SLC25A21: variants seen among roughly 807,000 people sequenced by gnomAD.
The protein encoded by SLC25A21 is mitochondrial 2-oxodicarboxylate carrier.
In SLC25A21, 47 loss-of-function variants were observed where a neutral mutation model predicts 43.8. That is an observed-to-expected ratio of 1.07 (90% CI 0.85 to 1.37). SLC25A21 has a LOEUF of 1.37. Ranked by LOEUF, SLC25A21 falls within the 40% of genes most tolerant of loss-of-function variation. SLC25A21 has a pLI of 0.00. For synonymous variants in SLC25A21, 131 were observed against 121.3 expected (o/e 1.08, Z -0.52); for missense variants, 352 against 350.2 (o/e 1.00, Z -0.04).
At chr14:36,728,649 T>C (rs1884694185) in intron 5 of SLC25A21, among the ~76,000 whole-genome samples, 1 of 152,196 alleles carries the variant, frequency 6.6e-6, no homozygotes, top group African/African-American at 2.4e-5. Context: ...AAGGGGCATG[T>C]ATGATTTTTT....
At chr14:37,038,777 G>A (rs1467488) in intron 1 of SLC25A21, among the ~76,000 whole-genome samples, 71,347 of 151,934 alleles carry the variant, frequency 0.47, 19,160 homozygotes, top group African/African-American at 0.75. Flanking sequence ...AGGGACTAGC[G>A]AGTATCTTCC....
At chr14:37,147,649 T>TTA (rs1555349959) in intron 1 of SLC25A21, among the ~76,000 whole-genome samples, 38,628 of 146,618 alleles carry the variant, frequency 0.26, 5,273 homozygotes, top group African/African-American at 0.31. Flanking sequence ...TTTTTTTTTT[T>TTA]AAAAAAAAGG....
chr14:36,836,621 T>G (rs1465353842), intron 2 of SLC25A21, among the ~76,000 whole-genome samples: 3 of 152,126 alleles, frequency 2.0e-5, no homozygotes, highest in Non-Finnish European at 4.4e-5. Flanking sequence ...AGGCACTCCA[T>G]GAGCCCACGG....
At chr14:36,750,389 C>T (rs1190804440) in intron 3 of SLC25A21, among the ~76,000 whole-genome samples, 2 of 152,166 alleles carry the variant, frequency 1.3e-5, no homozygotes, top group East Asian at 1.9e-4. Context: ...ACCCAATCCA[C>T]GTCATCCCTT....
At chr14:37,127,093 G>A (rs1963310331) in intron 1 of SLC25A21, among the ~76,000 whole-genome samples, 1 of 152,162 alleles carries the variant, frequency 6.6e-6, no homozygotes, top group Admixed American at 6.5e-5. Context: ...GGAAAAAGAA[G>A]AAAGTGATAG....
intron 1 of SLC25A21, among the ~76,000 whole-genome samples, chr14:37,146,033 G>A (rs1349938788): frequency 1.3e-5 from 2 of 152,106 alleles, no homozygotes; most frequent in Non-Finnish European, 2.9e-5. Flanking sequence ...CACCACCAAT[G>A]ACACTGGGCA....
At chr14:36,913,211 C>T (rs1271621541) in intron 1 of SLC25A21, among the ~76,000 whole-genome samples, 2 of 152,178 alleles carry the variant, frequency 1.3e-5, no homozygotes, top group East Asian at 1.9e-4. Flanking sequence ...CTATATATTA[C>T]TTAGATAATT....
At chr14:37,122,956 G>A (rs1408362681) in intron 1 of SLC25A21, among the ~76,000 whole-genome samples, 4 of 152,114 alleles carry the variant, frequency 2.6e-5, no homozygotes, top group Admixed American at 1.3e-4. Flanking sequence ...TATATCTTAG[G>A]CATCTAAAAT....
rs182748289 is a variant in SLC25A21 at position 36,764,937 on chromosome 14, C to T, written c.204-30364G>A. 2.0e-5 allele frequency among the ~76,000 whole-genome samples: 3 copies of T among 152,332 alleles called. No homozygotes were observed. In the East Asian group the frequency reaches 5.8e-4, roughly 29 times the overall value. On this transcript the variant is annotated intron_variant, in intron 3 of 9. Coordinates refer to ENST00000331299, the MANE Select transcript of SLC25A21 (RefSeq NM_030631.4). ...CATGGTGAGCCACAAGATTACGGGC[C>T]ATCTTGCTTTTAAGAACAGATAAGC...
chr14:36,703,578 T>C (rs564759603), intron 7 of SLC25A21, among the ~76,000 whole-genome samples: 1 of 152,348 alleles, frequency 6.6e-6, no homozygotes, highest in South Asian at 2.1e-4. Flanking sequence ...GTCTATTGTT[T>C]TCTGCAAAAT....
chr14:36,811,635 G>C (rs1888271860), intron 3 of SLC25A21, among the ~76,000 whole-genome samples: 1 of 152,114 alleles, frequency 6.6e-6, no homozygotes. Flanking sequence ...CTGCGTAACA[G>C]AGTGAGAGTC....
chr14:36,921,234 A>C (rs1891972509), intron 1 of SLC25A21, among the ~76,000 whole-genome samples: 1 of 152,150 alleles, frequency 6.6e-6, no homozygotes, highest in Non-Finnish European at 1.5e-5. Context: ...GAACTTCAGC[A>C]AGTCATATTC....
Position 37,172,522 on chromosome 14 carries a change from G to A in SLC25A21, c.-172C>T. The A allele has an allele frequency of 1.3e-6, 1 of 763,080 alleles. No homozygotes were observed. Among genetic ancestry groups the A allele is most frequent in the South Asian group, 1.5e-5 (1 of 67,906 alleles). 47.3% of individuals were successfully genotyped at this position (763,080 alleles called of 1,614,324 possible). ...AAGCGAGGGTTCGAGGCGCAGATTC[G>A]TCGCGCGATCTCCGGCGCGTCGGAA... On this transcript the variant is annotated 5_prime_UTR_variant, in exon 1 of 10. In the 5' UTR this introduces an upstream ATG that the reference lacks. Coordinates refer to ENST00000331299, the MANE Select transcript of SLC25A21 (RefSeq NM_030631.4).
intron 3 of SLC25A21, among the ~76,000 whole-genome samples, chr14:36,794,365 A>G (rs1887597834): frequency 6.6e-6 from 1 of 152,196 alleles, no homozygotes; most frequent in South Asian, 2.1e-4. Context: ...CTTTTAATAG[A>G]CACACCACCA....
At position 36,688,735 on chromosome 14, in the gene SLC25A21, G is replaced by A. The variant is rs561415333; in HGVS notation, c.604-3810C>T. Among the ~76,000 whole-genome samples, 6 of 152,318 alleles carry A rather than the reference G, an allele frequency of 3.9e-5. No homozygotes were observed. The South Asian group carries it at 1.2e-3, about 32-fold the overall frequency. Reference sequence around the variant, plus strand: ...AACAATTTTAATAAAAATAAACGTTGATTGAAGTACATATTTTGTGCCAGA... The same window carrying A: ...AACAATTTTAATAAAAATAAACGTTAATTGAAGTACATATTTTGTGCCAGA... On this transcript the variant is annotated intron_variant, in intron 7 of 9. Coordinates refer to ENST00000331299, the MANE Select transcript of SLC25A21 (RefSeq NM_030631.4).
intron 1 of SLC25A21, among the ~76,000 whole-genome samples, chr14:37,037,132 G>T (rs1386453438): frequency 6.6e-6 from 1 of 152,176 alleles, no homozygotes; most frequent in East Asian, 1.9e-4. Flanking sequence ...GACCCTGATT[G>T]TGAGTCAGGA....
At chr14:37,140,744 T>C (rs1382560965) in intron 1 of SLC25A21, among the ~76,000 whole-genome samples, 1 of 152,204 alleles carries the variant, frequency 6.6e-6, no homozygotes, top group Non-Finnish European at 1.5e-5. Flanking sequence ...ATATGTGGTA[T>C]GTTGAAACAG....
intron 1 of SLC25A21, among the ~76,000 whole-genome samples, chr14:37,051,174 T>C (rs1447448841): frequency 1.3e-5 from 2 of 152,336 alleles, no homozygotes; most frequent in Non-Finnish European, 2.9e-5. Flanking sequence ...ACTCCATAAG[T>C]CTAAGCACCG....
intron 1 of SLC25A21, among the ~76,000 whole-genome samples, chr14:36,949,628 AT>A (rs966901829): frequency 3.6e-4 from 55 of 150,994 alleles, no homozygotes; most frequent in Non-Finnish European, 3.1e-4. Flanking sequence ...TGTTTATGGG[AT>A]TTTTTTTTCC....
Sources: gnomAD v4.1 joint callset for allele counts (sites outside exome capture counted in the v4.1 genomes callset) on GRCh38, gnomAD v4.1.1 for gene constraint, MANE v1.5 for transcripts, NCBI Gene and HGNC (gene_info 2026-07-23, HGNC 2026-07-21) for gene names.